PARD3B: variants seen among roughly 807,000 people sequenced by gnomAD.
PARD3B encodes the protein partitioning defective 3 homolog B.
PARD3B carries 103 observed loss-of-function variants against 130.2 expected under a neutral mutation model. That is an observed-to-expected ratio of 0.79 (90% CI 0.67 to 0.93). PARD3B has a LOEUF of 0.93. Ranked by LOEUF, PARD3B falls within the 40% of genes least tolerant of loss-of-function variation. The probability of loss-of-function intolerance (pLI) is 0.00; values close to 1 mark genes in which losing one functional copy is unlikely to be tolerated. For synonymous variants in PARD3B, 583 were observed against 553.2 expected (o/e 1.05, Z -0.76); for missense variants, 1,609 against 1,499.2 (o/e 1.07, Z -1.21).
chr2:205,380,440 A>G lies in PARD3B; in HGVS notation c.2631-20573A>G, dbSNP rs1286913655. Among the ~76,000 whole-genome samples, 13 of 46,018 alleles carry G rather than the reference A, an allele frequency of 2.8e-4. 1 individual carries two copies. The East Asian group carries it at 5.5e-3, about 19-fold the overall frequency. 30.2% of individuals were successfully genotyped at this position (46,018 alleles called of 152,430 possible). ...AAAGAATATATATTATATATTATAT[A>G]AAGAATACATATATATAATATATAA... On this transcript the variant is annotated intron_variant, in intron 18 of 22. Coordinates refer to ENST00000406610, the MANE Select transcript of PARD3B (RefSeq NM_001302769.2).
intron 2 of PARD3B, among the ~76,000 whole-genome samples, chr2:204,821,378 T>A (rs1351956712): frequency 1.3e-5 from 2 of 152,190 alleles, no homozygotes; most frequent in Non-Finnish European, 2.9e-5. Flanking sequence ...CCATAAAAAA[T>A]GATGAGTTCA....
chr2:205,219,243 C>T (rs1328444380), intron 15 of PARD3B, among the ~76,000 whole-genome samples: 2 of 152,058 alleles, frequency 1.3e-5, no homozygotes, highest in South Asian at 2.1e-4. Context: ...TATGTGTAAT[C>T]GCCTTTTCTG....
intron 20 of PARD3B, among the ~76,000 whole-genome samples, chr2:205,494,165 A>G (rs972577030): frequency 2.0e-5 from 3 of 152,206 alleles, no homozygotes; most frequent in Non-Finnish European, 4.4e-5. Flanking sequence ...TTCCAAATGA[A>G]GAGCTACATC....
chr2:205,335,547 G>A (rs954049619), intron 18 of PARD3B, among the ~76,000 whole-genome samples: 4 of 152,064 alleles, frequency 2.6e-5, no homozygotes, highest in East Asian at 3.9e-4. Context: ...AAACGTGGCT[G>A]TTCCAACATG....
At chr2:205,170,481 C>T (rs1487360951) in intron 11 of PARD3B, among the ~76,000 whole-genome samples, 1 of 152,148 alleles carries the variant, frequency 6.6e-6, no homozygotes, top group South Asian at 2.1e-4. Flanking sequence ...ATCCCATTAC[C>T]CTGCCATCTC....
At chr2:205,377,862 C>T (rs969624844) in intron 18 of PARD3B, among the ~76,000 whole-genome samples, 6 of 145,406 alleles carry the variant, frequency 4.1e-5, no homozygotes, top group Non-Finnish European at 7.4e-5. Flanking sequence ...CCTCCGTCTT[C>T]TGGGTTCAAG....
At chr2:205,248,706 A>G (rs2039689835) in intron 16 of PARD3B, among the ~76,000 whole-genome samples, 1 of 139,698 alleles carries the variant, frequency 7.2e-6, no homozygotes, top group Non-Finnish European at 1.5e-5. Context: ...TCCCGGGTTC[A>G]CGCCATTTCT....
rs962534994 is a variant in PARD3B at position 204,907,949 on chromosome 2, G to A, written c.223-57203G>A. Among the ~76,000 whole-genome samples the A allele has an allele frequency of 2.0e-5, 3 of 152,038 alleles. No individual in the cohort carries two copies. The highest frequency in any genetic ancestry group is 1.9e-4 in the East Asian group (1 of 5,178). On this transcript the variant is annotated intron_variant, in intron 2 of 22. Transcript: ENST00000406610. The surrounding 1 kb of genome is among the most constrained non-coding windows in gnomAD (Gnocchi z 5.7). ...ACTCCTGGCCTCAAGTGACCTGCCT[G>A]CCTCAGCCTCCCAAAGTGCTGGAAT...
At chr2:205,480,616 G>A (rs2049195478) in intron 20 of PARD3B, among the ~76,000 whole-genome samples, 1 of 152,172 alleles carries the variant, frequency 6.6e-6, no homozygotes, top group Non-Finnish European at 1.5e-5. Flanking sequence ...CAAAATGATT[G>A]TAAGAGTCTT....
chr2:205,232,430 A>G, intron 15 of PARD3B, among the ~76,000 whole-genome samples: 1 of 152,172 alleles, frequency 6.6e-6, no homozygotes, highest in East Asian at 1.9e-4. Context: ...GCCAGATCTT[A>G]TCTGTAAAAA....
At chr2:205,162,156 G>A (rs191749514) in intron 11 of PARD3B, among the ~76,000 whole-genome samples, 3 of 152,250 alleles carry the variant, frequency 2.0e-5, no homozygotes, top group Admixed American at 6.5e-5. Context: ...ACTCTAGGAC[G>A]CCCTCTTGGA....
In PARD3B at chr2:204,805,230, A is replaced by G. The variant is rs112052866; in HGVS notation, c.222+118948A>G. 6.3e-3 allele frequency among the ~76,000 whole-genome samples: 965 copies of G among 152,250 alleles called. 10 individuals are homozygous for G. Among genetic ancestry groups the G allele is most frequent in the African/African-American group, 0.022 (894 of 41,560 alleles). On this transcript the variant is annotated intron_variant, in intron 2 of 22. Coordinates refer to ENST00000406610, the MANE Select transcript of PARD3B (RefSeq NM_001302769.2). ...AATAAAGTCAGAGATGAAAAAAGAGACATTACAACTGATACTGCAGAAATT... is the reference window on the plus strand; with the variant it reads ...AATAAAGTCAGAGATGAAAAAAGAGGCATTACAACTGATACTGCAGAAATT...
At chr2:204,766,965 C>CTTTTTTTTTTTTTTTTTCTTTTTT (rs68009060) in intron 2 of PARD3B, among the ~76,000 whole-genome samples, 3 of 114,470 alleles carry the variant, frequency 2.6e-5, no homozygotes, top group African/African-American at 1.0e-4. Context: ...TTTTCTTTTT[C>CTTTTTTTTTTTTTTTTTCTTTTTT]TTTTTTTTTT....
intron 20 of PARD3B, among the ~76,000 whole-genome samples, chr2:205,455,433 A>G (rs963758618): frequency 9.9e-5 from 15 of 152,138 alleles, no homozygotes; most frequent in Non-Finnish European, 8.8e-5. Flanking sequence ...ATATGCTGAT[A>G]TGTGAGCATT....
chr2:205,404,709 C>T (rs561273794), intron 19 of PARD3B, among the ~76,000 whole-genome samples: 17 of 152,162 alleles, frequency 1.1e-4, no homozygotes, highest in East Asian at 5.8e-4. Context: ...GACAAGGTCT[C>T]GCGCTACGTT....
intron 20 of PARD3B, among the ~76,000 whole-genome samples, chr2:205,478,054 T>G (rs1246987648): frequency 2.0e-5 from 3 of 152,188 alleles, no homozygotes; most frequent in Non-Finnish European, 4.4e-5. Flanking sequence ...CATCCAACCT[T>G]CTACCAGGAC....
At chr2:204,704,088 A>G (rs2038020721) in intron 2 of PARD3B, among the ~76,000 whole-genome samples, 1 of 152,204 alleles carries the variant, frequency 6.6e-6, no homozygotes, top group African/African-American at 2.4e-5. Context: ...GTATTGTGCT[A>G]AAGTACACCT....
chr2:204,912,885 C>G (rs1297366657), intron 2 of PARD3B, among the ~76,000 whole-genome samples: 1 of 152,094 alleles, frequency 6.6e-6, no homozygotes, highest in African/African-American at 2.4e-5. Flanking sequence ...GTTCAACTGG[C>G]TAATCTGAAT....
At chr2:205,014,393 T>C (rs1209373013) in intron 3 of PARD3B, among the ~76,000 whole-genome samples, 3 of 152,194 alleles carry the variant, frequency 2.0e-5, no homozygotes, top group African/African-American at 4.8e-5. Flanking sequence ...TTCTTTCTTA[T>C]CTATAGTTCC....
Sources: gnomAD v4.1 joint callset for allele counts (sites outside exome capture counted in the v4.1 genomes callset) on GRCh38, gnomAD v4.1.1 for gene constraint, Gnocchi (gnomAD v3.1) non-coding constraint, MANE v1.5 for transcripts, NCBI Gene and HGNC (gene_info 2026-07-23, HGNC 2026-07-21) for gene names.